The following TF variants were observed in gnomAD, a reference collection of about 807,000 sequenced individuals.
The protein encoded by TF is transferrin.
Under a neutral mutation model 82.4 loss-of-function variants are expected in TF, and 55 were observed. That is an observed-to-expected ratio of 0.67 (90% CI 0.54 to 0.84). TF has a LOEUF of 0.84. Ranked by LOEUF, TF falls within the 40% of genes least tolerant of loss-of-function variation. TF has a pLI of 0.00. For synonymous variants in TF, 332 were observed against 332.6 expected (o/e 1.00, Z 0.02); for missense variants, 737 against 868.4 (o/e 0.85, Z 1.90).
intron 9 of TF, among the ~76,000 whole-genome samples, chr3:133,763,786 C>G (rs1028371876): frequency 7.9e-5 from 12 of 152,212 alleles, no homozygotes; most frequent in African/African-American, 2.9e-4. Context: ...CTAGAGCCCC[C>G]CTTCAGAAGG....
chr3:133,733,314 C>G, the TF span, among the ~76,000 whole-genome samples: 1 of 152,188 alleles, frequency 6.6e-6, no homozygotes, highest in Non-Finnish European at 1.5e-5. Flanking sequence ...CACAGGCTGC[C>G]TATTTCACAG....
At chr3:133,662,690 A>G in the TF span, among the ~76,000 whole-genome samples, 1 of 152,094 alleles carries the variant, frequency 6.6e-6, no homozygotes, top group Admixed American at 6.5e-5. Flanking sequence ...AACCTTAGTG[A>G]TAACCAGCGG....
chr3:133,709,647 C>T, the TF span: 24 of 160,208 alleles, frequency 1.5e-4, no homozygotes, highest in East Asian at 1.2e-3. Context: ...AATATACAAT[C>T]AAACCGGGTC....
Position 133,780,902 on chromosome 3 carries a change from A to C in TF, c.*2282A>C, listed in dbSNP as rs1239876975. ...GTGGCACACACCTGTAGTCCCAGCT[A>C]CTCAGGAGGCTGAAGCATGAGAAGT... On this transcript the variant is annotated 3_prime_UTR_variant, in exon 17 of 17. Coordinates refer to ENST00000402696, the MANE Select transcript of TF (RefSeq NM_001063.4). 1 of 152,184 alleles carries C rather than the reference A, an allele frequency of 6.6e-6. No individual in the cohort carries two copies. Among genetic ancestry groups the C allele is most frequent in the African/African-American group, 2.4e-5 (1 of 41,410 alleles). 9.4% of individuals were successfully genotyped at this position (152,184 alleles called of 1,614,324 possible).
At chr3:133,722,528 G>A in the TF span, among the ~76,000 whole-genome samples, 2 of 151,800 alleles carry the variant, frequency 1.3e-5, no homozygotes, top group Non-Finnish European at 2.9e-5. Context: ...TGGTTTGGTG[G>A]TTTTCTGTGG....
rs56267966 is a variant in TF at position 133,789,879 on chromosome 3, G to GTTTTTTTTTT, written c.*11279_*11288dup. On this transcript the variant is annotated 3_prime_UTR_variant, in exon 17 of 17. Transcript: ENST00000402696. The stretch of plus-strand genomic sequence containing the variant: ...GCCAAAACAAAACGATCTCGTTTGC[G>GTTTTTTTTTT]TTTTTTTTTTTTTTTTTTTTTTTTT... 2.7e-4 allele frequency: 24 copies of GTTTTTTTTTT among 88,964 alleles called. 3 individuals are homozygous for GTTTTTTTTTT. Among genetic ancestry groups the GTTTTTTTTTT allele is most frequent in the African/African-American group, 3.8e-4 (7 of 18,258 alleles). 5.5% of individuals were successfully genotyped at this position (88,964 alleles called of 1,614,324 possible).
At chr3:133,767,859 G>A (rs1042400310) in intron 12 of TF, among the ~76,000 whole-genome samples, 170 bp from the exon 13 acceptor site, 1 of 152,152 alleles carries the variant, frequency 6.6e-6, no homozygotes, top group Non-Finnish European at 1.5e-5. Context: ...AATCTCAATA[G>A]GTTCCCCTTT....
intron 1 of TF, 171 bp from the exon 2 acceptor site, chr3:133,748,241 A>G (rs1256495038): frequency 3.4e-6 from 3 of 870,372 alleles, no homozygotes; most frequent in Non-Finnish European, 5.5e-6. Context: ...GCAACCTTCT[A>G]TTGGCTCAGA....
Position 133,757,801 on chromosome 3 carries a change from C to G in TF, c.903C>G (p.Phe301Leu), listed in dbSNP as rs774692742. 2.3e-5 allele frequency: 37 copies of G among 1,614,114 alleles called. No individual in the cohort carries two copies. The highest frequency in any genetic ancestry group is 2.7e-5 in the Non-Finnish European group (32 of 1,180,056). ...TTGGCAAAGACAAATCAAAAGAATT[C>G]CAACTATTCAGCTCTCCTCATGGGA... Reference protein sequence around the residue: ...EHFGKDKSKEFQLFSSPHGKD... With the variant: ...EHFGKDKSKELQLFSSPHGKD... Residue 301 changes from phenylalanine (F) to leucine (L), a missense_variant, in exon 8 of 17, where the codon TTC (phenylalanine) becomes TTG (leucine). By Grantham distance (22) the Phe-to-Leu change is conservative. Transcript: ENST00000402696.
At chr3:133,715,588 C>T in the TF span, among the ~76,000 whole-genome samples, 1 of 152,136 alleles carries the variant, frequency 6.6e-6, no homozygotes, top group Non-Finnish European at 1.5e-5. Context: ...CTTTCCTCTC[C>T]CATTTCTCCT....
chr3:133,713,882 C>A, the TF span, among the ~76,000 whole-genome samples: 1 of 152,152 alleles, frequency 6.6e-6, no homozygotes, highest in Non-Finnish European at 1.5e-5. Flanking sequence ...TGTCTCAAAG[C>A]CACACATAAT....
Position 133,782,742 on chromosome 3 carries a change from G to A in TF, c.*4122G>A, listed in dbSNP as rs1934543662. 1 of 142,104 alleles carries A rather than the reference G, an allele frequency of 7.0e-6. No homozygotes were observed. Among genetic ancestry groups the A allele is most frequent in the African/African-American group, 2.7e-5 (1 of 37,690 alleles). 8.8% of individuals were successfully genotyped at this position (142,104 alleles called of 1,614,324 possible). ...AGGCAGAGGTGGGCAGATTGCTTGA[G>A]TCCAGGAGTTTGAGACCAGCCTAGG... On this transcript the variant is annotated 3_prime_UTR_variant, in exon 17 of 17. Transcript: ENST00000402696.
rs926376792 is a variant in TF at position 133,795,467 on chromosome 3, G to A, written c.*16847G>A. 17 of 152,016 alleles carry A rather than the reference G, an allele frequency of 1.1e-4. No individual in the cohort carries two copies. The highest frequency in any genetic ancestry group is 7.9e-4 in the Admixed American group (12 of 15,260). 9.4% of individuals were successfully genotyped at this position (152,016 alleles called of 1,614,324 possible). On this transcript the variant is annotated 3_prime_UTR_variant, in exon 17 of 17. Coordinates refer to ENST00000402696, the MANE Select transcript of TF (RefSeq NM_001063.4). Reference sequence around the variant, plus strand: ...CACTGTAACCTACGAATGATGTGCTGAGTCCAAAAGCCCAAAGTGTTGGTA... The same window carrying A: ...CACTGTAACCTACGAATGATGTGCTAAGTCCAAAAGCCCAAAGTGTTGGTA...
At position 133,753,049 on chromosome 3, in the gene TF, T is replaced by A. The variant is rs139967806; in HGVS notation, c.217-546T>A. Among the ~76,000 whole-genome samples the A allele has an allele frequency of 2.6e-3, 390 of 152,060 alleles. 1 individual carries two copies. The highest frequency in any genetic ancestry group is 9.0e-3 in the African/African-American group (375 of 41,498). On this transcript the variant is annotated intron_variant, in intron 2 of 16. Coordinates refer to ENST00000402696, the MANE Select transcript of TF (RefSeq NM_001063.4). ...AAGACGAATGTTTTCAAGGTTCCCA[T>A]CTTCCCCCAGAAAAAAAATCTCCAC...
At chr3:133,696,812 A>G in the TF span, among the ~76,000 whole-genome samples, 1 of 149,008 alleles carries the variant, frequency 6.7e-6, no homozygotes, top group African/African-American at 2.5e-5. Flanking sequence ...TTTTACATTT[A>G]TGAAAAAAAC....
At chr3:133,766,012 G>A (rs1397101790) in intron 11 of TF, among the ~76,000 whole-genome samples, 1 of 152,176 alleles carries the variant, frequency 6.6e-6, no homozygotes, top group Admixed American at 6.5e-5. Context: ...TATAACTTCA[G>A]TGACTTTATG....
chr3:133,749,238 G>A (rs1933596221), intron 2 of TF, among the ~76,000 whole-genome samples: 1 of 152,146 alleles, frequency 6.6e-6, no homozygotes. Flanking sequence ...ATACACAACT[G>A]GGAAGATGAG....
the TF span, among the ~76,000 whole-genome samples, chr3:133,718,178 G>T: frequency 2.6e-5 from 4 of 152,124 alleles, no homozygotes; most frequent in African/African-American, 9.7e-5. Context: ...CATTGCTGGA[G>T]AATAGGGTGG....
At chr3:133,769,314 T>C (rs1456192559) in intron 13 of TF, among the ~76,000 whole-genome samples, 1 of 152,240 alleles carries the variant, frequency 6.6e-6, no homozygotes, top group East Asian at 1.9e-4. Flanking sequence ...GTAGAGCATG[T>C]TGTTTTCATA....
Sources: gnomAD v4.1 joint callset for allele counts (sites outside exome capture counted in the v4.1 genomes callset) on GRCh38, gnomAD v4.1.1 for gene constraint, MANE v1.5 for transcripts, NCBI Gene and HGNC (gene_info 2026-07-23, HGNC 2026-07-21) for gene names.